CLTC: variants seen among roughly 807,000 people sequenced by gnomAD.
The protein encoded by CLTC is clathrin heavy chain.
In CLTC, 16 loss-of-function variants were observed where a neutral mutation model predicts 195.8. The ratio of observed to expected loss-of-function variants is 0.08; its 90% confidence interval spans 0.06 to 0.12. The LOEUF (loss-of-function observed/expected upper bound fraction) is 0.12, where lower values mean the gene tolerates loss of function less well. Among genes scored for constraint, CLTC ranks in the 10% least tolerant of loss-of-function variants. CLTC has a pLI of 1.00. For synonymous variants in CLTC, 667 were observed against 689.4 expected, an observed-to-expected ratio of 0.97 and a Z score of 0.51; for missense variants, 796 against 2,027.0, an observed-to-expected ratio of 0.39 and a Z score of 11.66.
intron 10 of CLTC, among the ~76,000 whole-genome samples, chr17:59,665,257 A>G (rs928149649): frequency 2.0e-5 from 3 of 151,992 alleles, no homozygotes; most frequent in Non-Finnish European, 4.4e-5. Flanking sequence ...TACAGTTTGT[A>G]GAAATTAAAG....
At chr17:59,672,262 A>G (rs995208260) in intron 14 of CLTC, among the ~76,000 whole-genome samples, 2 of 152,176 alleles carry the variant, frequency 1.3e-5, no homozygotes, top group Non-Finnish European at 2.9e-5. Flanking sequence ...GATTTTGTCT[A>G]CTTTTTAAAT....
intron 6 of CLTC, 125 bp from the exon 7 acceptor site, chr17:59,660,266 G>T (rs2032578731): frequency 1.3e-6 from 1 of 785,446 alleles, no homozygotes; most frequent in Non-Finnish European, 2.0e-6. Context: ...TTTAATGGCA[G>T]CAAGAAAACA....
intron 5 of CLTC, 77 bp from the exon 6 acceptor site, chr17:59,655,777 A>G: frequency 8.3e-7 from 1 of 1,198,954 alleles, no homozygotes; most frequent in Non-Finnish European, 1.1e-6. Flanking sequence ...CATCTCTAAA[A>G]TGGAATTAGA....
In CLTC at chr17:59,666,798, G is replaced by T; in HGVS notation, c.1949G>T (p.Trp650Leu). ...VVHTHLLNPE[W>L]LVNYFGSLSV... ...TCATTCATTTATTTTGTCTTGTAGTGGTTAGTCAACTACTTTGGTTCCTTA... is the reference window on the plus strand; with the variant it reads ...TCATTCATTTATTTTGTCTTGTAGTTGTTAGTCAACTACTTTGGTTCCTTA... Residue 650 changes from tryptophan to leucine, a missense_variant and splice_region_variant, in exon 13 of 32, where the codon TGG becomes TTG. Trp to Leu is a moderately conservative substitution (Grantham distance 61). Coordinates refer to ENST00000269122, the MANE Select transcript of CLTC (RefSeq NM_004859.4). This position sits in a 1 kb window ranked among gnomAD's most constrained non-coding sequence, Gnocchi z 4.9. 6.2e-7 allele frequency: 1 copy of T among 1,607,740 alleles called. No individual in the cohort carries two copies. Among genetic ancestry groups the T allele is most frequent in the South Asian group, 1.1e-5 (1 of 90,174 alleles).
At chr17:59,680,090 A>C (rs2033052508) in intron 18 of CLTC, among the ~76,000 whole-genome samples, 1 of 152,012 alleles carries the variant, frequency 6.6e-6, no homozygotes, top group Non-Finnish European at 1.5e-5. Context: ...ATCCCAAAAG[A>C]CCTGACTTAA....
At chr17:59,670,667 A>G (rs2032829127) in intron 14 of CLTC, among the ~76,000 whole-genome samples, 1 of 152,116 alleles carries the variant, frequency 6.6e-6, no homozygotes, top group Non-Finnish European at 1.5e-5. Flanking sequence ...TATTTGAGTT[A>G]TATATATATG....
intron 1 of CLTC, among the ~76,000 whole-genome samples, chr17:59,633,799 TGAATA>T (rs1009196073): frequency 2.5e-4 from 38 of 152,306 alleles, no homozygotes; most frequent in Non-Finnish European, 4.7e-4. Context: ...CTTTATAACT[TGAATA>T]TTAAGGAGAC....
chr17:59,625,772 T>A (rs1365832000), intron 1 of CLTC, among the ~76,000 whole-genome samples: 1 of 152,218 alleles, frequency 6.6e-6, no homozygotes, highest in Non-Finnish European at 1.5e-5. Context: ...TTTAATTACT[T>A]TAAAATTACG....
intron 1 of CLTC, among the ~76,000 whole-genome samples, chr17:59,621,028 T>G (rs146496155): frequency 2.6e-5 from 4 of 152,346 alleles, no homozygotes; most frequent in African/African-American, 9.6e-5. Context: ...TCGCATGGAA[T>G]TGAACAGAGC....
chr17:59,684,179 G>A, intron 28 of CLTC, 194 bp downstream of exon 28: 1 of 527,444 alleles, frequency 1.9e-6, no homozygotes. Context: ...CTCAGATCTT[G>A]TATAAGATAC....
At chr17:59,638,233 G>A (rs993607684) in intron 1 of CLTC, among the ~76,000 whole-genome samples, 2 of 151,884 alleles carry the variant, frequency 1.3e-5, no homozygotes, top group Non-Finnish European at 2.9e-5. Context: ...GGAGTTTAAG[G>A]ATACAGTGAG....
intron 14 of CLTC, among the ~76,000 whole-genome samples, chr17:59,670,787 C>A (rs999996811): frequency 6.6e-6 from 1 of 152,038 alleles, no homozygotes; most frequent in Admixed American, 6.6e-5. Flanking sequence ...GATGGTACTG[C>A]CTTAGGTTTG....
At chr17:59,641,530 G>A (rs2032032527) in intron 1 of CLTC, among the ~76,000 whole-genome samples, 1 of 141,876 alleles carries the variant, frequency 7.0e-6, no homozygotes, top group African/African-American at 2.6e-5. Flanking sequence ...GAACCTAGGA[G>A]GCAGAGGTTG....
chr17:59,688,870 G>A (rs1161760896), intron 30 of CLTC, among the ~76,000 whole-genome samples: 1 of 152,110 alleles, frequency 6.6e-6, no homozygotes, highest in African/African-American at 2.4e-5. Flanking sequence ...TTTCTTAGAA[G>A]TTACTAATAT....
In CLTC at chr17:59,670,715, AT is replaced by A. The variant is rs1207232749; in HGVS notation, c.2292+1780del. ...AAATTAGCTATTATTTAATTATCACATTTTTGAGCTTTAAAAAAAATCCTCT... is the reference window on the plus strand; with the variant it reads ...AAATTAGCTATTATTTAATTATCACATTTTGAGCTTTAAAAAAAATCCTCT... On this transcript the variant is annotated intron_variant, in intron 14 of 31. Coordinates refer to ENST00000269122, the MANE Select transcript of CLTC (RefSeq NM_004859.4). Among the ~76,000 whole-genome samples, 8 of 152,296 alleles carry A rather than the reference AT, an allele frequency of 5.3e-5. No individual in the cohort carries two copies. The South Asian group carries it at 1.4e-3, about 28-fold the overall frequency.
At chr17:59,690,831 G>A (rs1598248581) in intron 31 of CLTC, 120 bp downstream of exon 31, 2 of 629,208 alleles carry the variant, frequency 3.2e-6, no homozygotes, top group East Asian at 2.9e-5. Context: ...AAGAAATACT[G>A]CTCTCTACTG....
rs2032733253 is a variant in CLTC at position 59,666,384 on chromosome 17, A to T, written c.1783-96A>T. On this transcript the variant is annotated intron_variant, in intron 11 of 31. Coordinates refer to ENST00000269122, the MANE Select transcript of CLTC (RefSeq NM_004859.4). The surrounding 1 kb of genome is among the most constrained non-coding windows in gnomAD (Gnocchi z 4.9). Reference sequence around the variant, plus strand: ...CTATTATAATATTCTTTTGTACTTTAACAGTTCACTATTAAACCTTAATCT... The same window carrying T: ...CTATTATAATATTCTTTTGTACTTTTACAGTTCACTATTAAACCTTAATCT... 2.0e-6 allele frequency: 3 copies of T among 1,503,248 alleles called. No individual in the cohort carries two copies. Among genetic ancestry groups the T allele is most frequent in the Non-Finnish European group, 2.7e-6 (3 of 1,105,316 alleles). 93.1% of individuals were successfully genotyped at this position (1,503,248 alleles called of 1,614,324 possible).
intron 31 of CLTC, 154 bp downstream of exon 31, chr17:59,690,865 A>G (rs1351277782): frequency 1.8e-5 from 9 of 500,938 alleles, no homozygotes; most frequent in Non-Finnish European, 2.8e-5. Flanking sequence ...CTGAGAAGTC[A>G]TAAAGCAGGT....
chr17:59,678,292 G>A (rs954721162), intron 17 of CLTC, among the ~76,000 whole-genome samples: 3 of 152,000 alleles, frequency 2.0e-5, no homozygotes, highest in Admixed American at 6.6e-5. Flanking sequence ...TTACCCTCTT[G>A]GAGATATTAA....
Sources: gnomAD v4.1 joint callset for allele counts (sites outside exome capture counted in the v4.1 genomes callset) on GRCh38, gnomAD v4.1.1 for gene constraint, Gnocchi (gnomAD v3.1) non-coding constraint, MANE v1.5 for transcripts, NCBI Gene and HGNC (gene_info 2026-07-23, HGNC 2026-07-21) for gene names.